The following NSD3 variants were observed in gnomAD, a reference collection of about 807,000 sequenced individuals.
NSD3 encodes the protein nuclear receptor binding SET domain protein 3, also known as histone-lysine N-methyltransferase NSD3.
A neutral mutation model predicts 160.8 loss-of-function variants in NSD3; 24 were observed. That is an observed-to-expected ratio of 0.15 (90% confidence interval 0.11 to 0.21). The LOEUF (loss-of-function observed/expected upper bound fraction) is 0.21. Ranked by LOEUF, NSD3 falls within the 10% of genes least tolerant of loss-of-function variation. NSD3 has a pLI of 1.00. For missense variants in NSD3, 1,157 were observed against 1,735.9 expected, an observed-to-expected ratio of 0.67 and a Z score of 5.93; for synonymous variants, 520 against 600.0, an observed-to-expected ratio of 0.87 and a Z score of 1.95.
At chr8:38,360,401 T>A (rs1399989147) in intron 1 of NSD3, among the ~76,000 whole-genome samples, 1 of 152,234 alleles carries the variant, frequency 6.6e-6, no homozygotes, top group Non-Finnish European at 1.5e-5. Context: ...ATAGCTTTTT[T>A]AATGAAAACT....
At chr8:38,308,625 C>A (rs954223538) in intron 12 of NSD3, among the ~76,000 whole-genome samples, 10 of 151,864 alleles carry the variant, frequency 6.6e-5, no homozygotes, top group African/African-American at 2.2e-4. Context: ...TCAAGACCAG[C>A]CTGAGCAACA....
chr8:38,348,001 A>C lies in NSD3; in HGVS notation c.171T>G (p.Phe57Leu). The C allele has an allele frequency of 6.2e-7, 1 of 1,614,228 alleles. No homozygotes were observed. Among genetic ancestry groups the C allele is most frequent in the Non-Finnish European group, 8.5e-7 (1 of 1,180,024 alleles). ...TPYEATLQQG[F>L]QYPATTEDLP... ...GATCTTCTGTTGTAGCTGGGTACTG[A>C]AAGCCTTGCTGCAAAGTAGCTTCAT... Residue 57 changes from phenylalanine to leucine, a missense_variant, in exon 2 of 24, where the codon TTT becomes TTG. Physicochemically the swap from Phe to Leu is conservative, Grantham distance 22 (BLOSUM62 0). Coordinates refer to ENST00000317025, the MANE Select transcript of NSD3 (RefSeq NM_023034.2).
intron 6 of NSD3, among the ~76,000 whole-genome samples, chr8:38,328,305 A>G (rs912426612): frequency 1.3e-5 from 2 of 152,230 alleles, no homozygotes; most frequent in Admixed American, 1.3e-4. Context: ...TGGTAGTGAC[A>G]AAGTTTGACT....
chr8:38,332,856 T>C lies in NSD3; in HGVS notation c.911-1271A>G, dbSNP rs1043282941. 1.4e-4 allele frequency among the ~76,000 whole-genome samples: 21 copies of C among 152,216 alleles called. 1 individual carries two copies. The highest frequency in any genetic ancestry group is 5.1e-4 in the African/African-American group (21 of 41,534). On this transcript the variant is annotated intron_variant, in intron 4 of 23. Transcript: ENST00000317025. ...GCGAAAAATAGTCTGAAAAATACTG[T>C]TCTAGAGAAAAAGTATTAGATCAAT...
In NSD3 at chr8:38,348,112, A is replaced by G. The variant is rs2150383946; in HGVS notation, c.60T>C (p.Pro20=). 1.2e-6 allele frequency: 2 copies of G among 1,613,144 alleles called. No individual in the cohort carries two copies. The highest frequency in any genetic ancestry group is 4.5e-5 in the East Asian group (2 of 44,880). The change falls in exon 2 of 24, where the codon CCT becomes CCC. Residue 20 remains proline, a synonymous_variant. Coordinates refer to ENST00000317025, the MANE Select transcript of NSD3 (RefSeq NM_023034.2). The stretch of plus-strand genomic sequence containing the variant: ...GGATGTTGGCGGAGTCAATGAGTTG[A>G]GGTGGTTGCTGAATTGTGTTTCCCA... The part of the protein sequence containing the change: ...GIMGNTIQQP[P]QLIDSANIRQ...
intron 1 of NSD3, among the ~76,000 whole-genome samples, chr8:38,370,308 T>C (rs568141480): frequency 1.4e-4 from 21 of 152,134 alleles, no homozygotes; most frequent in African/African-American, 4.8e-4. Flanking sequence ...TAAATCAAAT[T>C]TGAATTTTTT....
chr8:38,338,610 A>G lies in NSD3; in HGVS notation c.676-3T>C. On this transcript the variant is annotated splice_region_variant and splice_polypyrimidine_tract_variant and intron_variant, in intron 2 of 23. Transcript: ENST00000317025. ...GTGTCAACCCTCTCATTTGGTCTCT[A>G]GGTGAAAAGGTATAGGTAAGTAGAA... 6.2e-7 allele frequency: 1 copy of G among 1,612,090 alleles called. No individual in the cohort carries two copies. The highest frequency in any genetic ancestry group is 8.5e-7 in the Non-Finnish European group (1 of 1,178,256).
intron 16 of NSD3, among the ~76,000 whole-genome samples, chr8:38,293,644 C>T (rs1289660918): frequency 3.3e-5 from 5 of 150,802 alleles, no homozygotes; most frequent in African/African-American, 7.3e-5. Flanking sequence ...ATTTTAGAGC[C>T]GGGCACAGTG....
chr8:38,335,516 C>T (rs948575327), intron 4 of NSD3, among the ~76,000 whole-genome samples: 3 of 151,988 alleles, frequency 2.0e-5, no homozygotes, highest in Admixed American at 1.3e-4. Flanking sequence ...GTTCTGGAGG[C>T]CTAGATGTGG....
intron 15 of NSD3, among the ~76,000 whole-genome samples, chr8:38,296,314 G>T (rs1809137299): frequency 6.6e-6 from 1 of 152,174 alleles, no homozygotes; most frequent in Admixed American, 6.5e-5. Flanking sequence ...TTTCAAACAT[G>T]TAAGTAGCAA....
chr8:38,367,409 G>A (rs1811129204), intron 1 of NSD3, among the ~76,000 whole-genome samples: 1 of 152,042 alleles, frequency 6.6e-6, no homozygotes, highest in Non-Finnish European at 1.5e-5. Context: ...ATATATATAT[G>A]TGGTTAAAAT....
At chr8:38,282,682 C>G (rs1049838459) in intron 19 of NSD3, among the ~76,000 whole-genome samples, 1 of 151,344 alleles carries the variant, frequency 6.6e-6, no homozygotes, top group African/African-American at 2.4e-5. Flanking sequence ...TCTCAAAAAA[C>G]CAAAAAAACA....
At chr8:38,341,263 G>C (rs1416196236) in intron 2 of NSD3, among the ~76,000 whole-genome samples, 1 of 151,982 alleles carries the variant, frequency 6.6e-6, no homozygotes, top group Admixed American at 6.6e-5. Context: ...CAATCTGCCA[G>C]GCACAGTAGC....
intron 7 of NSD3, 137 bp downstream of exon 7, chr8:38,326,593 G>A (rs1003433867): frequency 3.8e-6 from 4 of 1,063,060 alleles, no homozygotes; most frequent in Non-Finnish European, 5.0e-6. Flanking sequence ...TAAAGTAACT[G>A]CTTTTATATT....
intron 6 of NSD3, among the ~76,000 whole-genome samples, chr8:38,327,537 T>A (rs1050792785): frequency 3.9e-5 from 6 of 152,142 alleles, no homozygotes; most frequent in Non-Finnish European, 8.8e-5. Context: ...AGATACATTT[T>A]AAAATGCACA....
intron 23 of NSD3, 78 bp from the exon 24 acceptor site, chr8:38,275,960 G>T: frequency 7.7e-7 from 1 of 1,301,574 alleles, no homozygotes; most frequent in Non-Finnish European, 1.1e-6. Context: ...AAAAACCCAG[G>T]TTCCTTCTTC....
At chr8:38,370,198 T>C (rs908186676) in intron 1 of NSD3, among the ~76,000 whole-genome samples, 15 of 152,136 alleles carry the variant, frequency 9.9e-5, no homozygotes, top group African/African-American at 3.6e-4. Context: ...AAACCTCTCT[T>C]AAAAGAAAAC....
chr8:38,326,807 A>G lies in NSD3; in HGVS notation c.1631T>C (p.Ile544Thr). The change falls in exon 7 of 24, where the codon ATA becomes ACA. Residue 544 changes from isoleucine (I) to threonine (T), a missense_variant. Transcript: ENST00000317025. ...EISVRGQDRL[I>T]ISTPNQRNEK... is the part of the protein sequence containing the mutation. ...ATTTCTCTGGTTTGGTGTAGAAATT[A>G]TAAGCCTGTCTTGCCCCCTGACACT... The G allele has an allele frequency of 6.2e-7, 1 of 1,614,112 alleles. No homozygotes were observed. Among genetic ancestry groups the G allele is most frequent in the Non-Finnish European group, 8.5e-7 (1 of 1,180,002 alleles).
At chr8:38,276,162 T>C (rs1385442841) in intron 23 of NSD3, 134 bp downstream of exon 23, 7 of 1,055,488 alleles carry the variant, frequency 6.6e-6, no homozygotes, top group South Asian at 1.6e-5. Context: ...AGGGGAAAGA[T>C]TTTTGCCAGC....
Sources: allele counts gnomAD v4.1 joint callset (sites outside exome capture counted in the v4.1 genomes callset), GRCh38; gene constraint gnomAD v4.1.1; transcripts MANE v1.5; gene names NCBI Gene and HGNC (gene_info 2026-07-23, HGNC 2026-07-21).